EBF1: variants seen among roughly 807,000 people sequenced by gnomAD.
EBF1 encodes EBF transcription factor 1.
EBF1 carries 10 observed loss-of-function variants against 68.4 expected under a neutral mutation model. That is an observed-to-expected ratio of 0.15 (90% CI 0.09 to 0.25). EBF1 has a LOEUF of 0.25. EBF1 is among the 10% of genes least tolerant of loss of function. The probability of loss-of-function intolerance (pLI) is 1.00; values close to 1 mark genes in which losing one functional copy is unlikely to be tolerated. For missense variants in EBF1, 509 were observed against 794.4 expected (o/e 0.64, Z 4.32); for synonymous variants, 298 against 299.8 (o/e 0.99, Z 0.06).
At chr5:159,054,232 G>C (rs1774332870) in intron 6 of EBF1, among the ~76,000 whole-genome samples, 1 of 151,990 alleles carries the variant, frequency 6.6e-6, no homozygotes, top group Non-Finnish European at 1.5e-5. Context: ...AGGTTTATTG[G>C]ACCTAAAATA....
At position 159,099,425 on chromosome 5, in the gene EBF1, C is replaced by T. The variant is rs1216244043; in HGVS notation, c.54G>A (p.Glu18=). 1 of 1,601,328 alleles carries T rather than the reference C, an allele frequency of 6.2e-7. No homozygotes were observed. Among genetic ancestry groups the T allele is most frequent in the Non-Finnish European group, 8.5e-7 (1 of 1,174,082 alleles). ...IQRSGSSMKE[E]PLGSGMNAVR... ...CCGCGTTCATGCCGCTGCCCAGCGG[C>T]TCTTCCTTCATGCTGCTTCCACTCC... Residue 18 remains glutamate, a synonymous_variant, in exon 1 of 16, where the codon GAG becomes GAA. Coordinates refer to ENST00000313708, the MANE Select transcript of EBF1 (RefSeq NM_024007.5).
chr5:158,982,291 T>C (rs1319879777), intron 6 of EBF1, among the ~76,000 whole-genome samples: 3 of 152,222 alleles, frequency 2.0e-5, no homozygotes, highest in African/African-American at 7.2e-5. Context: ...TTGTTACTAA[T>C]AGTATTATTT....
chr5:158,983,282 T>C (rs1288960521), intron 6 of EBF1: 3 of 151,562 alleles, frequency 2.0e-5, no homozygotes, highest in African/African-American at 4.8e-5. Context: ...TATGTAGGGG[T>C]TTTTTTTCTG....
chr5:158,943,042 G>A (rs991727400), intron 6 of EBF1, among the ~76,000 whole-genome samples: 21 of 127,880 alleles, frequency 1.6e-4, no homozygotes, highest in Non-Finnish European at 3.0e-4. Flanking sequence ...AGGAATGAAG[G>A]GAGGGAAGTG....
At chr5:159,067,125 C>G (rs1776973520) in intron 6 of EBF1, among the ~76,000 whole-genome samples, 1 of 152,112 alleles carries the variant, frequency 6.6e-6, no homozygotes, top group South Asian at 2.1e-4. Flanking sequence ...GGGAATTTAT[C>G]AATGGAGAGT....
chr5:158,739,484 G>GA (rs1765857645), intron 10 of EBF1, among the ~76,000 whole-genome samples: 1 of 152,092 alleles, frequency 6.6e-6, no homozygotes, highest in Admixed American at 6.5e-5. Flanking sequence ...AACAGAAGTT[G>GA]AATGTACACA....
chr5:158,757,654 C>T (rs78916607), intron 10 of EBF1, among the ~76,000 whole-genome samples: 196 of 152,260 alleles, frequency 1.3e-3, no homozygotes, highest in African/African-American at 4.6e-3. Flanking sequence ...AAAAGTCCTG[C>T]CTTTGCCACT....
intron 6 of EBF1, among the ~76,000 whole-genome samples, chr5:158,895,616 A>T (rs1332272511): frequency 6.6e-6 from 1 of 152,204 alleles, no homozygotes; most frequent in Non-Finnish European, 1.5e-5. Context: ...CAATGCTATC[A>T]TTCTACTGGG....
In EBF1 at chr5:158,696,584, T is replaced by C; in HGVS notation, c.*2527A>G. The C allele has an allele frequency of 4.5e-6, 1 of 222,398 alleles. No homozygotes were observed. The highest frequency in any genetic ancestry group is 6.4e-5 in the East Asian group (1 of 15,568). 13.8% of individuals were successfully genotyped at this position (222,398 alleles called of 1,614,324 possible). A position where few individuals can be genotyped will look rare whatever the true frequency, so the allele number is the denominator to read the frequency against. ...GCTTACCACGCAAATTCAGATAACC[T>C]TTCTGAGTACCGAGAAGCAATGCGT... On this transcript the variant is annotated 3_prime_UTR_variant, in exon 16 of 16. Transcript: ENST00000313708.
intron 6 of EBF1, among the ~76,000 whole-genome samples, chr5:158,878,477 C>G (rs1798205827): frequency 6.6e-6 from 1 of 152,156 alleles, no homozygotes; most frequent in Non-Finnish European, 1.5e-5. Context: ...AGGTGCCCTG[C>G]TAAATGCTAT....
intron 6 of EBF1, among the ~76,000 whole-genome samples, chr5:158,916,511 TG>T (rs1197526297): frequency 6.6e-6 from 1 of 152,184 alleles, no homozygotes; most frequent in Non-Finnish European, 1.5e-5. Flanking sequence ...CTTTAAGTCA[TG>T]AAATACTTAA....
intron 6 of EBF1, among the ~76,000 whole-genome samples, chr5:158,917,220 A>C (rs1464560920): frequency 1.3e-5 from 2 of 152,200 alleles, no homozygotes; most frequent in African/African-American, 4.8e-5. Context: ...TGGTGGCCCT[A>C]TGTCTCTACA....
chr5:158,845,222 C>A (rs1582485424), intron 6 of EBF1, among the ~76,000 whole-genome samples: 3 of 152,126 alleles, frequency 2.0e-5, no homozygotes, highest in East Asian at 1.9e-4. Context: ...ATATACTGGG[C>A]AAGAGCTTGC....
At chr5:159,024,090 A>G (rs749893846) in intron 6 of EBF1, among the ~76,000 whole-genome samples, 44 of 152,276 alleles carry the variant, frequency 2.9e-4, no homozygotes, top group South Asian at 2.7e-3. Flanking sequence ...AGCCCATAGT[A>G]TTCTGATAAA....
Position 158,700,120 on chromosome 5 carries a change from G to A in EBF1, c.1745-978C>T, listed in dbSNP as rs77279630. ...GGACCTGATAGACGTTAGCTGCTGG[G>A]ATTTTTAACCCATCACTTCTGCTAC... On this transcript the variant is annotated intron_variant, in intron 15 of 15. Transcript: ENST00000313708. 5.1e-4 allele frequency among the ~76,000 whole-genome samples: 77 copies of A among 152,268 alleles called. No individual in the cohort carries two copies. In the East Asian group the frequency reaches 0.014, roughly 28 times the overall value.
At chr5:158,864,924 G>C (rs1282208995) in intron 6 of EBF1, among the ~76,000 whole-genome samples, 2 of 152,124 alleles carry the variant, frequency 1.3e-5, no homozygotes, top group Non-Finnish European at 2.9e-5. Context: ...CTGGGAGATG[G>C]TCCTTCCCAT....
chr5:158,922,071 T>C (rs1808558073), intron 6 of EBF1, among the ~76,000 whole-genome samples: 1 of 152,238 alleles, frequency 6.6e-6, no homozygotes, highest in African/African-American at 2.4e-5. Flanking sequence ...TTCTCTCAGC[T>C]GCTTGGCAGC....
Position 158,708,063 on chromosome 5 carries a change from G to C in EBF1, c.1660C>G (p.Gln554Glu). 7 of 1,563,760 alleles carry C rather than the reference G, an allele frequency of 4.5e-6. No individual in the cohort carries two copies. Among genetic ancestry groups the C allele is most frequent in the Non-Finnish European group, 6.1e-6 (7 of 1,153,378 alleles). ...SPANMVSAVK[Q>E]KSAFAPVVRP... ...ACGACTGGTGCGAAAGCACTCTTCT[G>C]TTTCACGGCTGAGACCATGTTGGCT... Residue 554 changes from glutamine to glutamate, a missense_variant, in exon 15 of 16, where the codon CAG becomes GAG. Around this residue, in one of 3 missense-constraint regions of EBF1, gnomAD observed 205 missense variants for 247.4 expected, o/e 0.83. Transcript: ENST00000313708.
chr5:158,744,565 A>G (rs1335099006), intron 10 of EBF1, among the ~76,000 whole-genome samples: 1 of 152,216 alleles, frequency 6.6e-6, no homozygotes, highest in African/African-American at 2.4e-5. Context: ...CAACTTGTGG[A>G]TGCTTTAATC....
Sources: gnomAD v4.1 joint callset for allele counts (sites outside exome capture counted in the v4.1 genomes callset) on GRCh38, gnomAD v4.1.1 for gene constraint, gnomAD v4.1.1 regional missense constraint, MANE v1.5 for transcripts, NCBI Gene and HGNC (gene_info 2026-07-23, HGNC 2026-07-21) for gene names.